The following MAGI2 variants were observed in gnomAD, a reference collection of about 807,000 sequenced individuals.
The protein encoded by MAGI2 is membrane-associated guanylate kinase, WW and PDZ domain-containing protein 2.
A neutral mutation model predicts 133.3 loss-of-function variants in MAGI2; 35 were observed. That is an observed-to-expected ratio of 0.26 (90% CI 0.20 to 0.35). The LOEUF (loss-of-function observed/expected upper bound fraction) is 0.35. Ranked by LOEUF, MAGI2 falls within the 10% of genes least tolerant of loss-of-function variation. The probability of loss-of-function intolerance (pLI) is 1.00; values close to 1 mark genes in which losing one functional copy is unlikely to be tolerated. For missense variants in MAGI2, 1,636 were observed against 1,863.4 expected, an observed-to-expected ratio of 0.88 and a Z score of 2.25; for synonymous variants, 729 against 710.6, an observed-to-expected ratio of 1.03 and a Z score of -0.41.
chr7:79,333,844 T>A lies in MAGI2; in HGVS notation c.301+119176A>T, dbSNP rs922908643. Among the ~76,000 whole-genome samples the A allele has an allele frequency of 2.0e-5, 3 of 152,196 alleles. No homozygotes were observed. In the East Asian group the frequency reaches 5.8e-4, roughly 29 times the overall value. On this transcript the variant is annotated intron_variant, in intron 1 of 21. Transcript: ENST00000354212. ...AAACAACTCAAGTGGAAGAAAAGTA[T>A]TTTTTAATAGTAGCAGGTCACTGTA... is the stretch of plus-strand genomic sequence containing the variant.
At chr7:78,585,606 T>C (rs1480793688) in intron 3 of MAGI2, among the ~76,000 whole-genome samples, 1 of 152,108 alleles carries the variant, frequency 6.6e-6, no homozygotes, top group African/African-American at 2.4e-5. Context: ...GGGTGGCTGG[T>C]GGCTGGTAGT....
chr7:78,534,983 A>G (rs1036781030), intron 3 of MAGI2, among the ~76,000 whole-genome samples: 6 of 152,044 alleles, frequency 3.9e-5, no homozygotes, highest in Non-Finnish European at 1.5e-5. Flanking sequence ...AAATACAAAA[A>G]TTAGCTGGGT....
chr7:78,512,136 TAA>T (rs539565869), intron 4 of MAGI2, among the ~76,000 whole-genome samples: 6 of 127,126 alleles, frequency 4.7e-5, no homozygotes, highest in Non-Finnish European at 5.1e-5. Context: ...AAAAATAAAT[TAA>T]AAAAAAAAAA....
intron 2 of MAGI2, among the ~76,000 whole-genome samples, chr7:78,961,892 G>T (rs549274464): frequency 6.6e-6 from 1 of 152,058 alleles, no homozygotes; most frequent in Admixed American, 6.6e-5. Flanking sequence ...AGGCTATATG[G>T]TATAGCCTAC....
intron 21 of MAGI2, among the ~76,000 whole-genome samples, chr7:78,028,848 CA>C (rs56201811): frequency 0.036 from 3,043 of 84,400 alleles, 80 homozygotes; most frequent in African/African-American, 0.11. Flanking sequence ...GACTCCATCT[CA>C]AAAAAAAAAA....
At chr7:78,665,397 G>A (rs1038874352) in intron 2 of MAGI2, among the ~76,000 whole-genome samples, 1 of 152,142 alleles carries the variant, frequency 6.6e-6, no homozygotes, top group Non-Finnish European at 1.5e-5. Context: ...AAATGAAGCA[G>A]AGCAGAAATA....
At chr7:79,151,217 T>G (rs1823204605) in intron 1 of MAGI2, among the ~76,000 whole-genome samples, 1 of 152,134 alleles carries the variant, frequency 6.6e-6, no homozygotes, top group Non-Finnish European at 1.5e-5. Flanking sequence ...TTACATAACT[T>G]TTTGGAATTT....
At chr7:78,223,530 TAAC>T (rs1401182900) in intron 10 of MAGI2, among the ~76,000 whole-genome samples, 5 of 152,172 alleles carry the variant, frequency 3.3e-5, no homozygotes, top group Non-Finnish European at 4.4e-5. Flanking sequence ...AAAGAAATAT[TAAC>T]AAGTTATGTT....
rs141887319 is a variant in MAGI2, at chr7:78,622,363, C to T, written c.538+4757G>A. ...TGACCTAGAACTCTAAACAATACTG[C>T]GAAGGCATGAGACTGCAGTAGGCGA... On this transcript the variant is annotated intron_variant, in intron 3 of 21. Transcript: ENST00000354212. 6.8e-3 allele frequency among the ~76,000 whole-genome samples: 1,036 copies of T among 152,004 alleles called. 14 individuals carry two copies. The highest frequency in any genetic ancestry group is 0.018 in the African/African-American group (762 of 41,484).
intron 3 of MAGI2, among the ~76,000 whole-genome samples, chr7:78,567,369 A>G (rs1191703010): frequency 6.7e-6 from 1 of 148,606 alleles, no homozygotes; most frequent in East Asian, 2.0e-4. Flanking sequence ...TGAAATCCTC[A>G]ATAACAAAAG....
intron 21 of MAGI2, among the ~76,000 whole-genome samples, chr7:78,077,546 T>G (rs1815458427): frequency 7.7e-6 from 1 of 130,662 alleles, no homozygotes; most frequent in African/African-American, 3.0e-5. Flanking sequence ...GCTTGCTAGC[T>G]CTCTCTGTAC....
chr7:79,063,121 T>C (rs1316034562), intron 1 of MAGI2, among the ~76,000 whole-genome samples: 1 of 152,094 alleles, frequency 6.6e-6, no homozygotes, highest in Non-Finnish European at 1.5e-5. Flanking sequence ...CATTTTGTCC[T>C]GGCTTCATTT....
At chr7:78,917,856 A>G (rs960079314) in intron 2 of MAGI2, among the ~76,000 whole-genome samples, 4 of 152,294 alleles carry the variant, frequency 2.6e-5, no homozygotes, top group Non-Finnish European at 5.9e-5. Flanking sequence ...CAACTCAGCC[A>G]CAGCTAAACA....
chr7:79,174,315 A>G (rs369009105), intron 1 of MAGI2, among the ~76,000 whole-genome samples: 3 of 152,112 alleles, frequency 2.0e-5, no homozygotes. Context: ...TAAGATTACT[A>G]TAATAAATTT....
intron 2 of MAGI2, among the ~76,000 whole-genome samples, chr7:78,757,733 C>T (rs1009568756): frequency 6.6e-6 from 1 of 152,146 alleles, no homozygotes; most frequent in Non-Finnish European, 1.5e-5. Flanking sequence ...TTCTTGGTCT[C>T]TTTTGCATAT....
At chr7:78,044,003 T>G (rs1366511874) in intron 21 of MAGI2, among the ~76,000 whole-genome samples, 2 of 152,210 alleles carry the variant, frequency 1.3e-5, no homozygotes, top group African/African-American at 4.8e-5. Context: ...TTCTCTTTAC[T>G]CCTCTATTTT....
At chr7:79,309,719 A>G (rs1357399690) in intron 1 of MAGI2, among the ~76,000 whole-genome samples, 1 of 151,982 alleles carries the variant, frequency 6.6e-6, no homozygotes, top group Non-Finnish European at 1.5e-5. Flanking sequence ...TTCATCGTTT[A>G]TGATGTTTAT....
At chr7:78,667,400 A>G (rs1275773992) in intron 2 of MAGI2, among the ~76,000 whole-genome samples, 1 of 143,870 alleles carries the variant, frequency 7.0e-6, no homozygotes, top group Non-Finnish European at 1.5e-5. Context: ...AAATTTTATT[A>G]TTATTATACT....
At chr7:79,236,479 A>G (rs1831933093) in intron 1 of MAGI2, among the ~76,000 whole-genome samples, 2 of 152,214 alleles carry the variant, frequency 1.3e-5, no homozygotes, top group Admixed American at 6.5e-5. Context: ...TTCAAATACA[A>G]TCAAATATGG....
Sources: gnomAD v4.1 joint callset for allele counts (sites outside exome capture counted in the v4.1 genomes callset) on GRCh38, gnomAD v4.1.1 for gene constraint, MANE v1.5 for transcripts, NCBI Gene and HGNC (gene_info 2026-07-23, HGNC 2026-07-21) for gene names.